NPAS2: variants seen among roughly 807,000 people sequenced by gnomAD.
NPAS2 encodes neuronal PAS domain-containing protein 2.
In NPAS2, 23 loss-of-function variants were observed where a neutral mutation model predicts 107.5. The ratio of observed to expected loss-of-function variants is 0.21; its 90% confidence interval spans 0.15 to 0.30. NPAS2 has a LOEUF of 0.30. Among genes scored for constraint, NPAS2 ranks in the 10% least tolerant of loss-of-function variants. NPAS2 has a pLI of 1.00. For synonymous variants in NPAS2, 403 were observed against 417.5 expected, an observed-to-expected ratio of 0.97 and a Z score of 0.42; for missense variants, 756 against 1,043.3, an observed-to-expected ratio of 0.72 and a Z score of 3.79.
intron 7 of NPAS2, among the ~76,000 whole-genome samples, chr2:100,957,175 A>G (rs1188463017): frequency 6.6e-6 from 1 of 152,252 alleles, no homozygotes; most frequent in Non-Finnish European, 1.5e-5. Context: ...ATGTGAAGAA[A>G]TATGTGTCAG....
chr2:100,841,530 A>G (rs1439297300), intron 1 of NPAS2, among the ~76,000 whole-genome samples: 1 of 152,226 alleles, frequency 6.6e-6, no homozygotes, highest in African/African-American at 2.4e-5. Context: ...TAAAACAAGC[A>G]TAATCCCTAT....
intron 5 of NPAS2, among the ~76,000 whole-genome samples, chr2:100,940,531 G>T (rs1166475472): frequency 6.6e-6 from 1 of 152,172 alleles, no homozygotes; most frequent in Non-Finnish European, 1.5e-5. Context: ...TTACAATGTA[G>T]CAGGCACCAT....
At chr2:100,828,740 A>T (rs1465744010) in intron 1 of NPAS2, among the ~76,000 whole-genome samples, 1 of 152,036 alleles carries the variant, frequency 6.6e-6, no homozygotes, top group Non-Finnish European at 1.5e-5. Flanking sequence ...CCTCTCTTCT[A>T]TTCCATTGGT....
chr2:100,963,615 A>G (rs1676043268), intron 7 of NPAS2, among the ~76,000 whole-genome samples: 1 of 152,050 alleles, frequency 6.6e-6, no homozygotes, highest in African/African-American at 2.4e-5. Flanking sequence ...GGGGTTTCAC[A>G]GTGTTGGCCA....
At chr2:100,864,647 C>T (rs1679148940) in intron 1 of NPAS2, among the ~76,000 whole-genome samples, 1 of 152,148 alleles carries the variant, frequency 6.6e-6, no homozygotes, top group African/African-American at 2.4e-5. Flanking sequence ...TGGGGCACAA[C>T]ACCCCCTTAG....
At chr2:100,861,811 G>A (rs1410558283) in intron 1 of NPAS2, among the ~76,000 whole-genome samples, 1 of 152,214 alleles carries the variant, frequency 6.6e-6, no homozygotes, top group Admixed American at 6.5e-5. Flanking sequence ...CTTTGGGCAT[G>A]TTTTCTGGGT....
intron 1 of NPAS2, among the ~76,000 whole-genome samples, chr2:100,881,676 A>T (rs1396910115): frequency 6.6e-6 from 1 of 151,210 alleles, no homozygotes; most frequent in African/African-American, 2.4e-5. Context: ...ACAGAGTGAG[A>T]CTTCATCTCA....
At chr2:100,991,720 G>A (rs1312658531) in intron 19 of NPAS2, among the ~76,000 whole-genome samples, 5 of 152,198 alleles carry the variant, frequency 3.3e-5, no homozygotes, top group African/African-American at 9.7e-5. Context: ...ACCCTAGGGT[G>A]TAGGCACATG....
rs368043161 is a variant in NPAS2, at chr2:100,956,744, G to C, written c.598+7264G>C. Among the ~76,000 whole-genome samples the C allele has an allele frequency of 8.8e-4, 134 of 152,292 alleles. 1 individual carries two copies. The highest frequency in any genetic ancestry group is 3.0e-3 in the African/African-American group (124 of 41,556). On this transcript the variant is annotated intron_variant, in intron 7 of 20. Transcript: ENST00000335681. ...AGAAAGGGTGAGGCTGAGCTGGAGA[G>C]GGCTCTGTGTGAGCCTTGAAGCACA...
At chr2:100,948,143 T>C in intron 5 of NPAS2, 92 bp from the exon 6 acceptor site, 12 of 1,412,192 alleles carry the variant, frequency 8.5e-6, no homozygotes, top group Non-Finnish European at 1.2e-5. Context: ...CAGAAACCAG[T>C]TCTGCGTTGT....
At chr2:100,966,059 T>C (rs1395674643) in intron 10 of NPAS2, among the ~76,000 whole-genome samples, 1 of 152,192 alleles carries the variant, frequency 6.6e-6, no homozygotes, top group Non-Finnish European at 1.5e-5. Context: ...GGGATTTTTT[T>C]TTTTAAGTTA....
chr2:100,936,897 G>A (rs541235268), intron 4 of NPAS2, among the ~76,000 whole-genome samples: 15 of 147,604 alleles, frequency 1.0e-4, no homozygotes, highest in East Asian at 6.1e-4. Flanking sequence ...CAGGAGAATC[G>A]CTTGAACCTG....
At chr2:100,892,162 G>A (rs2104702440) in intron 1 of NPAS2, among the ~76,000 whole-genome samples, 1 of 152,342 alleles carries the variant, frequency 6.6e-6, no homozygotes. Context: ...CAACATAAAT[G>A]TCAAAGGTTG....
intron 1 of NPAS2, among the ~76,000 whole-genome samples, chr2:100,898,690 T>C (rs574173984): frequency 1.2e-4 from 19 of 152,054 alleles, no homozygotes; most frequent in South Asian, 4.1e-4. Flanking sequence ...GGTTCACTCA[T>C]TATATATCTA....
chr2:100,889,050 T>C (rs1680890346), intron 1 of NPAS2, among the ~76,000 whole-genome samples: 1 of 152,220 alleles, frequency 6.6e-6, no homozygotes, highest in South Asian at 2.1e-4. Context: ...AAAACATCTT[T>C]AATATACAAC....
chr2:100,968,503 G>C lies in NPAS2; in HGVS notation c.1055+75G>C. The C allele has an allele frequency of 7.0e-7, 1 of 1,434,948 alleles. No individual in the cohort carries two copies. The allele number at this position is 1,434,948 out of a possible 1,614,324, so 88.9% of individuals were successfully genotyped here. A position where few individuals can be genotyped will look rare whatever the true frequency, so the allele number is the denominator to read the frequency against. On this transcript the variant is annotated intron_variant, in intron 11 of 20. Coordinates refer to ENST00000335681, the MANE Select transcript of NPAS2 (RefSeq NM_002518.4). The surrounding 1 kb of genome is among the most constrained non-coding windows in gnomAD (Gnocchi z 5.3). ...AGGGGTGCAGGATGGCGTGGCCCCT[G>C]ATGGCCAAGTCAGATCAGCAGTCAC...
intron 20 of NPAS2, 24 bp from the exon 21 acceptor site, chr2:100,995,376 A>C (rs1678390213): frequency 5.6e-6 from 9 of 1,597,674 alleles, no homozygotes; most frequent in Non-Finnish European, 7.7e-6. Flanking sequence ...CCACCTCTGA[A>C]GCCCTTTGTT....
chr2:100,913,970 C>T (rs544786933), intron 2 of NPAS2, among the ~76,000 whole-genome samples: 1 of 152,344 alleles, frequency 6.6e-6, no homozygotes, highest in South Asian at 2.1e-4. Flanking sequence ...ATCCCAGCTA[C>T]AGCCATGCAT....
At chr2:100,949,281 A>T in intron 6 of NPAS2, 86 bp from the exon 7 acceptor site, 1 of 802,072 alleles carries the variant, frequency 1.2e-6, no homozygotes. Context: ...TAAATCCCAT[A>T]AGAGTTTTCA....
Sources: gnomAD v4.1 joint callset for allele counts (sites outside exome capture counted in the v4.1 genomes callset) on GRCh38, gnomAD v4.1.1 for gene constraint, Gnocchi (gnomAD v3.1) non-coding constraint, MANE v1.5 for transcripts, NCBI Gene and HGNC (gene_info 2026-07-23, HGNC 2026-07-21) for gene names.